HCN1: variants seen among roughly 807,000 people sequenced by gnomAD.
The protein encoded by HCN1 is potassium/sodium hyperpolarization-activated cyclic nucleotide-gated channel 1.
In HCN1, 13 loss-of-function variants were observed where a neutral mutation model predicts 78.9. The ratio of observed to expected loss-of-function variants is 0.16; its 90% confidence interval spans 0.11 to 0.26. The LOEUF is 0.26. HCN1 is among the 10% of genes least tolerant of loss of function. HCN1 has a pLI of 1.00. For synonymous variants in HCN1, 552 were observed against 455.5 expected, an observed-to-expected ratio of 1.21 and a Z score of -2.70; for missense variants, 810 against 1,154.3, an observed-to-expected ratio of 0.70 and a Z score of 4.32.
At chr5:45,518,303 A>G (rs1476400641) in intron 2 of HCN1, among the ~76,000 whole-genome samples, 1 of 151,920 alleles carries the variant, frequency 6.6e-6, no homozygotes, top group Non-Finnish European at 1.5e-5. Context: ...CCATGGTTCC[A>G]TATCTACCAA....
chr5:45,332,446 T>C (rs969396528), intron 5 of HCN1, among the ~76,000 whole-genome samples: 2 of 151,498 alleles, frequency 1.3e-5, no homozygotes, highest in African/African-American at 4.8e-5. Flanking sequence ...TTCTATTTTT[T>C]TTTTTCGTAC....
At chr5:45,441,949 TTTAATA>T (rs1740688110) in intron 3 of HCN1, among the ~76,000 whole-genome samples, 1 of 152,154 alleles carries the variant, frequency 6.6e-6, no homozygotes, top group Non-Finnish European at 1.5e-5. Flanking sequence ...ACTAAAATAT[TTTAATA>T]TTATTTTTTC....
chr5:45,344,553 C>T (rs1340260855), intron 5 of HCN1, among the ~76,000 whole-genome samples: 1 of 152,160 alleles, frequency 6.6e-6, no homozygotes, highest in Admixed American at 6.5e-5. Flanking sequence ...AGGGTATAGG[C>T]ATCAGGTAAA....
intron 4 of HCN1, among the ~76,000 whole-genome samples, chr5:45,373,399 T>A (rs1040045456): frequency 7.7e-5 from 10 of 129,208 alleles, no homozygotes; most frequent in African/African-American, 1.5e-4. Context: ...TAAATATATA[T>A]TATATAAAAT....
intron 1 of HCN1, among the ~76,000 whole-genome samples, chr5:45,650,355 G>T (rs991023438): frequency 2.6e-5 from 4 of 151,958 alleles, no homozygotes; most frequent in African/African-American, 9.7e-5. Flanking sequence ...CCTGAATAAG[G>T]TGCCAGTTCT....
rs1213411974 is a variant in HCN1, at chr5:45,645,509, C to A, written c.525G>T (p.Trp175Cys). The change falls in exon 2 of 8, where the codon TGG (tryptophan) becomes TGT (cysteine). Residue 175 changes from tryptophan (W) to cysteine (C), a missense_variant. Physicochemically the swap from Trp to Cys is radical, Grantham distance 215. Transcript: ENST00000303230. ...TFFTEQTTTP[W>C]IIFNVASDTV... ...TATCTGATGCCACATTGAAAATAAT[C>A]CATGGTGTTGTTGTTTGCTCTGTAA... The A allele has an allele frequency of 2.5e-6, 4 of 1,612,790 alleles. No individual in the cohort carries two copies. Among genetic ancestry groups the A allele is most frequent in the Non-Finnish European group, 3.4e-6 (4 of 1,179,276 alleles).
At chr5:45,305,839 GAGGGAGGA>G (rs1276563133) in intron 5 of HCN1, among the ~76,000 whole-genome samples, 1 of 148,738 alleles carries the variant, frequency 6.7e-6, no homozygotes, top group Non-Finnish European at 1.5e-5. Flanking sequence ...GGAAAGGAGG[GAGGGAGGA>G]AGGAAGGAAG....
intron 3 of HCN1, among the ~76,000 whole-genome samples, chr5:45,442,593 G>T (rs1414246545): frequency 1.3e-5 from 2 of 150,076 alleles, no homozygotes; most frequent in East Asian, 3.9e-4. Context: ...ATATATGTAA[G>T]GTAGTTACCA....
intron 6 of HCN1, among the ~76,000 whole-genome samples, chr5:45,302,234 G>T (rs1745641516): frequency 6.6e-6 from 1 of 151,868 alleles, no homozygotes; most frequent in African/African-American, 2.4e-5. Context: ...CCCCCATGTT[G>T]TTCTCATGGT....
At chr5:45,387,367 G>A (rs1258528020) in intron 4 of HCN1, among the ~76,000 whole-genome samples, 3 of 151,774 alleles carry the variant, frequency 2.0e-5, no homozygotes, top group African/African-American at 7.3e-5. Context: ...CTTAAGAATG[G>A]CAGAGAAAAA....
Position 45,502,542 on chromosome 5 carries a change from A to G in HCN1, c.850-40535T>C, listed in dbSNP as rs189724531. 4.0e-4 allele frequency among the ~76,000 whole-genome samples: 61 copies of G among 152,302 alleles called. 1 individual carries two copies. The highest frequency in any genetic ancestry group is 1.3e-3 in the African/African-American group (56 of 41,588). ...CTCACTAGCCATGTACAAGTTATTT[A>G]ATATTTCTGGCCTTCATTTTTCCTT... On this transcript the variant is annotated intron_variant, in intron 2 of 7. Transcript: ENST00000303230.
chr5:45,341,426 A>G (rs1190772231), intron 5 of HCN1, among the ~76,000 whole-genome samples: 1 of 152,236 alleles, frequency 6.6e-6, no homozygotes, highest in Non-Finnish European at 1.5e-5. Flanking sequence ...TCAGCTGCAG[A>G]TAAGAGTGGA....
intron 2 of HCN1, among the ~76,000 whole-genome samples, chr5:45,495,310 C>A (rs1742001363): frequency 2.3e-5 from 3 of 131,456 alleles, no homozygotes; most frequent in African/African-American, 8.9e-5. Flanking sequence ...TGAAGAGGTC[C>A]TTCACATCCC....
intron 4 of HCN1, among the ~76,000 whole-genome samples, chr5:45,392,897 G>C (rs991407297): frequency 6.6e-6 from 1 of 151,942 alleles, no homozygotes; most frequent in Non-Finnish European, 1.5e-5. Context: ...TCGATAAACT[G>C]AGACTCAGCA....
intron 6 of HCN1, among the ~76,000 whole-genome samples, chr5:45,286,070 A>G (rs1745264019): frequency 6.6e-6 from 1 of 151,994 alleles, no homozygotes; most frequent in South Asian, 2.1e-4. Flanking sequence ...ATTAACTTTT[A>G]TTTAGATAAT....
intron 2 of HCN1, among the ~76,000 whole-genome samples, chr5:45,503,189 TCACA>T (rs1742226212): frequency 1.3e-5 from 2 of 152,132 alleles, no homozygotes; most frequent in Non-Finnish European, 2.9e-5. Context: ...GCTGCAAACA[TCACA>T]GATAGGGCAA....
chr5:45,518,888 A>G (rs1481667377), intron 2 of HCN1, among the ~76,000 whole-genome samples: 2 of 151,960 alleles, frequency 1.3e-5, no homozygotes, highest in African/African-American at 4.8e-5. Context: ...AAAAACTTTA[A>G]AAATGCCTTC....
At chr5:45,685,076 G>T (rs1248307560) in intron 1 of HCN1, among the ~76,000 whole-genome samples, 1 of 152,018 alleles carries the variant, frequency 6.6e-6, no homozygotes, top group Admixed American at 6.6e-5. Context: ...CAAATTTATA[G>T]ATTTCTCAAA....
intron 4 of HCN1, among the ~76,000 whole-genome samples, chr5:45,365,479 G>T (rs1747216174): frequency 6.6e-6 from 1 of 151,870 alleles, no homozygotes; most frequent in African/African-American, 2.4e-5. Flanking sequence ...ATTTCACTTA[G>T]AATAATGGCC....
Sources: allele counts gnomAD v4.1 joint callset (sites outside exome capture counted in the v4.1 genomes callset), GRCh38; gene constraint gnomAD v4.1.1; transcripts MANE v1.5; gene names NCBI Gene and HGNC (gene_info 2026-07-23, HGNC 2026-07-21).